HCN1: variants seen among roughly 807,000 people sequenced by gnomAD.
HCN1 encodes the protein potassium/sodium hyperpolarization-activated cyclic nucleotide-gated channel 1.
A neutral mutation model predicts 78.9 loss-of-function variants in HCN1; 13 were observed. That is an observed-to-expected ratio of 0.16 (90% CI 0.11 to 0.26). The LOEUF (loss-of-function observed/expected upper bound fraction) is 0.26. HCN1 is among the 10% of genes least tolerant of loss of function. HCN1 has a pLI of 1.00. For missense variants in HCN1, 810 were observed against 1,154.3 expected (o/e 0.70, Z 4.32); for synonymous variants, 552 against 455.5 (o/e 1.21, Z -2.70).
chr5:45,680,017 G>T (rs1367915466), intron 1 of HCN1, among the ~76,000 whole-genome samples: 2 of 152,104 alleles, frequency 1.3e-5, no homozygotes, highest in Non-Finnish European at 2.9e-5. Context: ...TAACAAGCAT[G>T]ATAAAGTTAA....
At chr5:45,597,216 C>T (rs895536236) in intron 2 of HCN1, among the ~76,000 whole-genome samples, 5 of 152,132 alleles carry the variant, frequency 3.3e-5, no homozygotes, top group Non-Finnish European at 7.3e-5. Flanking sequence ...AAAGCTTATC[C>T]ACCACGATCA....
chr5:45,391,043 A>G (rs537990459), intron 4 of HCN1, among the ~76,000 whole-genome samples: 1 of 152,180 alleles, frequency 6.6e-6, no homozygotes, highest in East Asian at 1.9e-4. Flanking sequence ...GGTATGTTAA[A>G]TTCAGTTCCC....
intron 2 of HCN1, among the ~76,000 whole-genome samples, chr5:45,578,827 A>G (rs1743999212): frequency 1.3e-5 from 2 of 152,088 alleles, no homozygotes; most frequent in African/African-American, 4.8e-5. Flanking sequence ...AGAAGAGCAA[A>G]GGGAAGTAAT....
chr5:45,485,606 A>T (rs1475211422), intron 2 of HCN1, among the ~76,000 whole-genome samples: 1 of 152,204 alleles, frequency 6.6e-6, no homozygotes, highest in African/African-American at 2.4e-5. Flanking sequence ...CATAAAAGTG[A>T]TATGTTTCTT....
chr5:45,285,114 A>T (rs1279352067), intron 6 of HCN1, among the ~76,000 whole-genome samples: 1 of 152,016 alleles, frequency 6.6e-6, no homozygotes, highest in East Asian at 1.9e-4. Context: ...GAGCAGAAGT[A>T]GCTCCATATA....
intron 3 of HCN1, among the ~76,000 whole-genome samples, chr5:45,420,415 C>T (rs1319095268): frequency 1.3e-5 from 2 of 152,144 alleles, no homozygotes; most frequent in South Asian, 2.1e-4. Context: ...GTCAAAGTTA[C>T]TGGATGGGGC....
intron 3 of HCN1, among the ~76,000 whole-genome samples, chr5:45,427,724 T>A (rs961193109): frequency 1.1e-4 from 16 of 152,130 alleles, no homozygotes; most frequent in Non-Finnish European, 2.2e-4. Context: ...TGCTTTTATT[T>A]GTTCTTGTGC....
intron 5 of HCN1, among the ~76,000 whole-genome samples, chr5:45,305,695 G>C (rs1056510410): frequency 6.6e-6 from 1 of 151,416 alleles, no homozygotes; most frequent in African/African-American, 2.4e-5. Flanking sequence ...AGGAAAGAAA[G>C]AAGGGAGGAA....
chr5:45,310,066 C>A (rs932220536), intron 5 of HCN1, among the ~76,000 whole-genome samples: 1 of 151,738 alleles, frequency 6.6e-6, no homozygotes, highest in African/African-American at 2.4e-5. Flanking sequence ...ACTATAAAAA[C>A]CCTGGAAGAT....
intron 6 of HCN1, among the ~76,000 whole-genome samples, chr5:45,288,462 GGCT>G (rs750062271): frequency 1.3e-5 from 2 of 151,874 alleles, no homozygotes; most frequent in Non-Finnish European, 2.9e-5. Flanking sequence ...GTCTGAAAGG[GGCT>G]GTAGAAAGCG....
At chr5:45,388,284 A>G (rs1218331041) in intron 4 of HCN1, among the ~76,000 whole-genome samples, 1 of 152,148 alleles carries the variant, frequency 6.6e-6, no homozygotes, top group Non-Finnish European at 1.5e-5. Context: ...TTGAGTGGTC[A>G]CAGTTCTGCT....
At chr5:45,339,019 T>A (rs1746520518) in intron 5 of HCN1, among the ~76,000 whole-genome samples, 1 of 152,202 alleles carries the variant, frequency 6.6e-6, no homozygotes, top group African/African-American at 2.4e-5. Context: ...GGGAAGCACA[T>A]GGAGAAACCC....
intron 4 of HCN1, among the ~76,000 whole-genome samples, chr5:45,394,900 C>A (rs774898714): frequency 6.6e-5 from 10 of 152,088 alleles, no homozygotes; most frequent in Non-Finnish European, 1.3e-4. Flanking sequence ...TACTAGTTTT[C>A]TTGTCCTCTA....
intron 3 of HCN1, among the ~76,000 whole-genome samples, chr5:45,433,185 G>A (rs142431358): frequency 1.7e-4 from 26 of 152,088 alleles, no homozygotes; most frequent in African/African-American, 3.9e-4. Context: ...ATTTGAGTAC[G>A]CTGAACTACC....
intron 4 of HCN1, among the ~76,000 whole-genome samples, chr5:45,376,093 T>C (rs1449551166): frequency 1.3e-4 from 15 of 111,206 alleles, no homozygotes; most frequent in Non-Finnish European, 2.5e-4. Flanking sequence ...TTATATTATA[T>C]ATAATATAAT....
At chr5:45,329,102 T>A (rs1462986455) in intron 5 of HCN1, among the ~76,000 whole-genome samples, 2 of 151,650 alleles carry the variant, frequency 1.3e-5, no homozygotes, top group East Asian at 3.9e-4. Context: ...AAGACTATTT[T>A]CAAAAAACTG....
chr5:45,301,975 A>G (rs1437917862), intron 6 of HCN1, among the ~76,000 whole-genome samples: 1 of 152,112 alleles, frequency 6.6e-6, no homozygotes, highest in African/African-American at 2.4e-5. Context: ...AAGGCAAACA[A>G]CAGAGTAGAA....
chr5:45,481,146 G>A (rs181211222), intron 2 of HCN1, among the ~76,000 whole-genome samples: 112 of 152,270 alleles, frequency 7.4e-4, no homozygotes, highest in Middle Eastern at 3.4e-3. Flanking sequence ...CTGTAAATAG[G>A]AAAGCAAAAC....
intron 5 of HCN1, among the ~76,000 whole-genome samples, chr5:45,350,838 A>G (rs1178804630): frequency 6.6e-6 from 1 of 152,202 alleles, no homozygotes; most frequent in African/African-American, 2.4e-5. Flanking sequence ...GGACCTCTTC[A>G]AGGAGAACTA....
Sources: allele counts gnomAD v4.1 joint callset (sites outside exome capture counted in the v4.1 genomes callset), GRCh38; gene constraint gnomAD v4.1.1; transcripts MANE v1.5; gene names NCBI Gene and HGNC (gene_info 2026-07-23, HGNC 2026-07-21).